TFDP2: variants seen among roughly 807,000 people sequenced by gnomAD.
The protein encoded by TFDP2 is transcription factor Dp-2, also known as transcription factor Dp-2 (E2F dimerization partner 2).
Under a neutral mutation model 59.3 loss-of-function variants are expected in TFDP2, and 17 were observed. The observed-to-expected ratio is 0.29, with a 90% confidence interval of 0.20 to 0.43. The LOEUF is 0.43. Ranked by LOEUF, TFDP2 falls within the 20% of genes least tolerant of loss-of-function variation. The pLI, the probability that TFDP2 is intolerant of heterozygous loss-of-function variation, is 1.00. For missense variants in TFDP2, 391 were observed against 528.8 expected, an observed-to-expected ratio of 0.74 and a Z score of 2.56; for synonymous variants, 180 against 194.7, an observed-to-expected ratio of 0.92 and a Z score of 0.63.
intron 1 of TFDP2, among the ~76,000 whole-genome samples, chr3:142,104,956 C>T (rs1218080353): frequency 6.6e-6 from 1 of 152,116 alleles, no homozygotes; most frequent in Admixed American, 6.6e-5. Context: ...GACTTTGGCT[C>T]CGTCTCAGCT....
Position 142,012,581 on chromosome 3 carries a change from T to C in TFDP2, c.83-7037A>G, listed in dbSNP as rs1431546273. On this transcript the variant is annotated intron_variant, in intron 3 of 12. Coordinates refer to ENST00000489671, the MANE Select transcript of TFDP2 (RefSeq NM_001178139.2). ...CTTTTGGTACATGTGTATGATGGAA[T>C]ATTATATAGTCCCTAAAAATACAAG... Among the ~76,000 whole-genome samples, 4 of 152,318 alleles carry C rather than the reference T, an allele frequency of 2.6e-5. No individual in the cohort carries two copies. In the East Asian group the frequency reaches 7.7e-4, roughly 29 times the overall value.
chr3:141,980,194 C>CCTGCCCAGCCACGT (rs1246142665), intron 6 of TFDP2, among the ~76,000 whole-genome samples: 1 of 150,058 alleles, frequency 6.7e-6, no homozygotes, highest in East Asian at 1.9e-4. Context: ...TGTGAGCCAC[C>CCTGCCCAGCCACGT]CTGCCCAGCC....
At chr3:142,005,654 T>A (rs1944148489) in intron 3 of TFDP2, 110 bp from the exon 4 acceptor site, 1 of 670,140 alleles carries the variant, frequency 1.5e-6, no homozygotes, top group African/African-American at 1.8e-5. Flanking sequence ...TTTATAATTA[T>A]CTTAGGAAGC....
intron 3 of TFDP2, among the ~76,000 whole-genome samples, chr3:142,061,959 A>G (rs1209690003): frequency 6.7e-6 from 1 of 149,006 alleles, no homozygotes; most frequent in Non-Finnish European, 1.5e-5. Flanking sequence ...TGATATTTGA[A>G]TAACAGGTTC....
At chr3:142,006,469 A>ATTATTTT (rs1944221949) in intron 3 of TFDP2, among the ~76,000 whole-genome samples, 1 of 137,632 alleles carries the variant, frequency 7.3e-6, no homozygotes, top group South Asian at 2.3e-4. Context: ...TTCCCTTACT[A>ATTATTTT]TTTTTTTTTT....
At chr3:142,119,083 C>T (rs1001108815) in intron 1 of TFDP2, among the ~76,000 whole-genome samples, 1 of 152,052 alleles carries the variant, frequency 6.6e-6, no homozygotes, top group African/African-American at 2.4e-5. Flanking sequence ...ACAGCTTGAA[C>T]CCAGAAGGTA....
At chr3:141,969,766 T>C (rs1172792875) in intron 9 of TFDP2, among the ~76,000 whole-genome samples, 4 of 152,178 alleles carry the variant, frequency 2.6e-5, no homozygotes, top group Admixed American at 2.6e-4. Context: ...CGGGCTAAAA[T>C]AAACAAACAC....
intron 4 of TFDP2, among the ~76,000 whole-genome samples, chr3:142,000,803 C>T (rs1159811289): frequency 6.6e-6 from 1 of 152,182 alleles, no homozygotes; most frequent in African/African-American, 2.4e-5. Context: ...ATAATAGGTC[C>T]CAACCAATAC....
chr3:142,114,214 A>G (rs1172294329), intron 1 of TFDP2, among the ~76,000 whole-genome samples: 2 of 152,168 alleles, frequency 1.3e-5, no homozygotes, highest in Non-Finnish European at 2.9e-5. Context: ...GGGAAAATTG[A>G]GTCAGCTTAA....
At chr3:141,963,717 T>C (rs1576471877) in intron 10 of TFDP2, 95 bp downstream of exon 10, 2 of 1,424,302 alleles carry the variant, frequency 1.4e-6, no homozygotes, top group South Asian at 2.8e-5. Flanking sequence ...CTTTGAGGGG[T>C]GCAACTAATA....
At chr3:142,081,696 G>A (rs1160888084) in intron 3 of TFDP2, among the ~76,000 whole-genome samples, 1 of 152,082 alleles carries the variant, frequency 6.6e-6, no homozygotes, top group African/African-American at 2.4e-5. Context: ...GGAGCAACAT[G>A]GCTACTATAT....
intron 1 of TFDP2, among the ~76,000 whole-genome samples, chr3:142,139,182 T>C (rs1301014384): frequency 6.6e-6 from 1 of 152,194 alleles, no homozygotes; most frequent in African/African-American, 2.4e-5. Context: ...AGACTAGGAT[T>C]GCAACCCCTG....
chr3:141,997,881 G>A, intron 4 of TFDP2, among the ~76,000 whole-genome samples: 1 of 148,810 alleles, frequency 6.7e-6, no homozygotes, highest in Non-Finnish European at 1.5e-5. Context: ...GAGAAAGAAA[G>A]GAAAAAAAGA....
chr3:142,043,902 C>A, intron 3 of TFDP2: 4 of 980,340 alleles, frequency 4.1e-6, no homozygotes, highest in Admixed American at 1.7e-5. Context: ...TTCTAAGCAG[C>A]CGGCGCAGAA....
intron 3 of TFDP2, among the ~76,000 whole-genome samples, chr3:142,087,991 C>T (rs2060859377): frequency 6.6e-6 from 1 of 152,192 alleles, no homozygotes. Context: ...TATCCTCAGT[C>T]CTATACCCTG....
intron 3 of TFDP2, among the ~76,000 whole-genome samples, chr3:142,055,279 A>G (rs530640917): frequency 6.6e-6 from 1 of 151,952 alleles, no homozygotes; most frequent in East Asian, 1.9e-4. Flanking sequence ...ATAGGTTCAG[A>G]TATTTGGTAT....
intron 10 of TFDP2, among the ~76,000 whole-genome samples, chr3:141,963,551 T>C (rs905948861): frequency 2.0e-5 from 3 of 152,102 alleles, no homozygotes; most frequent in African/African-American, 7.2e-5. Flanking sequence ...CAGCACGTCA[T>C]AGGTTGGGCC....
chr3:142,005,915 A>G (rs1394532390), intron 3 of TFDP2, among the ~76,000 whole-genome samples: 1 of 148,860 alleles, frequency 6.7e-6, no homozygotes, highest in Non-Finnish European at 1.5e-5. Flanking sequence ...TTTAATAGAC[A>G]TAACAGAACA....
chr3:142,069,357 G>T (rs2060169495), intron 3 of TFDP2, among the ~76,000 whole-genome samples: 1 of 152,030 alleles, frequency 6.6e-6, no homozygotes, highest in African/African-American at 2.4e-5. Flanking sequence ...GATTTACATT[G>T]TTTCCAATAC....
Sources: allele counts gnomAD v4.1 joint callset (sites outside exome capture counted in the v4.1 genomes callset), GRCh38; gene constraint gnomAD v4.1.1; transcripts MANE v1.5; gene names NCBI Gene and HGNC (gene_info 2026-07-23, HGNC 2026-07-21).